Variants in MREG observed in about 807,000 individuals in gnomAD.
The protein encoded by MREG is dilute suppressor protein homolog.
MREG carries 31 observed loss-of-function variants against 28.5 expected under a neutral mutation model. The ratio of observed to expected loss-of-function variants is 1.09; its 90% confidence interval spans 0.82 to 1.47. The LOEUF is 1.47. MREG is among the 40% of genes most tolerant of loss of function. The pLI is 0.00. For missense variants in MREG, 256 were observed against 257.4 expected, an observed-to-expected ratio of 0.99 and a Z score of 0.04; for synonymous variants, 106 against 95.2, an observed-to-expected ratio of 1.11 and a Z score of -0.66.
chr2:215,953,207 C>A (rs1231961411), intron 2 of MREG, among the ~76,000 whole-genome samples: 2 of 152,222 alleles, frequency 1.3e-5, no homozygotes, highest in Non-Finnish European at 2.9e-5. Flanking sequence ...TCTGTTATCC[C>A]CTTCTCCCAT....
intron 2 of MREG, among the ~76,000 whole-genome samples, chr2:215,955,934 AG>A (rs1266372764): frequency 1.3e-5 from 2 of 152,218 alleles, no homozygotes; most frequent in African/African-American, 4.8e-5. Context: ...GTCTGGAGAA[AG>A]GTCTCCAGTA....
Position 215,943,632 on chromosome 2 carries a change from G to A in MREG, c.*1231C>T, listed in dbSNP as rs1480551566. On this transcript the variant is annotated 3_prime_UTR_variant, in exon 5 of 5. Transcript: ENST00000263268. ...TGGGGCAGGCGGATGACGAGGTCAG[G>A]AGATCGAGACCATCGTGGCTAACAT... The A allele has an allele frequency of 1.3e-5, 5 of 383,808 alleles. No homozygotes were observed. Among genetic ancestry groups the A allele is most frequent in the African/African-American group, 4.2e-5 (2 of 47,644 alleles). 23.8% of individuals were successfully genotyped at this position (383,808 alleles called of 1,614,324 possible). A position where few individuals can be genotyped will look rare whatever the true frequency, so the allele number is the denominator to read the frequency against.
At chr2:215,960,012 G>C (rs924130088) in intron 2 of MREG, among the ~76,000 whole-genome samples, 3 of 151,526 alleles carry the variant, frequency 2.0e-5, no homozygotes, top group African/African-American at 7.3e-5. Context: ...CTGGAGTGCA[G>C]TGGCGTGATC....
intron 1 of MREG, among the ~76,000 whole-genome samples, chr2:216,023,452 A>G (rs1388775476): frequency 1.3e-5 from 2 of 152,204 alleles, no homozygotes; most frequent in African/African-American, 4.8e-5. Context: ...GCACTGCTAA[A>G]TTGAGCAATA....
Position 215,944,962 on chromosome 2 carries a change from G to T in MREG, c.546C>A (p.Phe182Leu). The T allele has an allele frequency of 1.2e-6, 2 of 1,605,728 alleles. No homozygotes were observed. ...RLIALDAAEE[F>L]FKLARRTYPK... ...GGTAAGTTCGACGAGCAAGCTTAAAGAACTCTTCTGCAGCATCAAGTGCAA... is the reference window on the plus strand; with the variant it reads ...GGTAAGTTCGACGAGCAAGCTTAAATAACTCTTCTGCAGCATCAAGTGCAA... The change falls in exon 5 of 5, where the codon TTC (phenylalanine) becomes TTA (leucine). Residue 182 changes from phenylalanine to leucine, a missense_variant. Transcript: ENST00000263268.
intron 2 of MREG, among the ~76,000 whole-genome samples, chr2:215,990,355 T>C (rs754662242): frequency 6.6e-6 from 1 of 152,146 alleles, no homozygotes; most frequent in South Asian, 2.1e-4. Context: ...CTGAGAGATT[T>C]TGTCATCACC....
At chr2:215,968,401 C>T (rs1693003141) in intron 2 of MREG, among the ~76,000 whole-genome samples, 1 of 152,208 alleles carries the variant, frequency 6.6e-6, no homozygotes, top group Non-Finnish European at 1.5e-5. Context: ...AGAACCCCAA[C>T]ATAAAATACA....
intron 1 of MREG, among the ~76,000 whole-genome samples, chr2:216,024,623 C>T (rs1694567915): frequency 6.6e-6 from 1 of 151,980 alleles, no homozygotes; most frequent in South Asian, 2.1e-4. Flanking sequence ...CCTATAATCC[C>T]AGCATTTTGG....
At chr2:216,025,302 A>G (rs1401817582) in intron 1 of MREG, among the ~76,000 whole-genome samples, 1 of 152,252 alleles carries the variant, frequency 6.6e-6, no homozygotes, top group Non-Finnish European at 1.5e-5. Flanking sequence ...GAAGACCTCT[A>G]CTACCCACAG....
chr2:215,957,503 C>T (rs1192445523), intron 2 of MREG, among the ~76,000 whole-genome samples: 1 of 152,108 alleles, frequency 6.6e-6, no homozygotes, highest in East Asian at 1.9e-4. Context: ...AACCATTCCC[C>T]TCAAGAGGAA....
intron 2 of MREG, 63 bp from the exon 3 acceptor site, chr2:215,947,176 C>A: frequency 9.8e-7 from 1 of 1,020,622 alleles, no homozygotes; most frequent in Non-Finnish European, 1.5e-6. Context: ...ATCTCATTCC[C>A]AAACTTCATG....
At chr2:216,031,485 GAAAGAAAGAGAA>G (rs1559203904) in intron 1 of MREG, among the ~76,000 whole-genome samples, 4 of 120,520 alleles carry the variant, frequency 3.3e-5, no homozygotes, top group African/African-American at 1.3e-4. Flanking sequence ...GAGAAAGAAA[GAAAGAAAGAGAA>G]AGAAAGAGAG....
At chr2:215,973,715 T>C (rs1693167737) in intron 2 of MREG, among the ~76,000 whole-genome samples, 1 of 152,192 alleles carries the variant, frequency 6.6e-6, no homozygotes, top group Non-Finnish European at 1.5e-5. Flanking sequence ...CTAGAACAGA[T>C]TAAAGTACAT....
At chr2:215,995,894 A>AC (rs1693860313) in intron 2 of MREG, among the ~76,000 whole-genome samples, 1 of 151,730 alleles carries the variant, frequency 6.6e-6, no homozygotes, top group Non-Finnish European at 1.5e-5. Flanking sequence ...AAAAAAAAAA[A>AC]CTAATTCAGG....
rs767958402 is a variant in MREG, at chr2:215,996,375, T to C, written c.186A>G (p.Thr62=). The C allele has an allele frequency of 2.5e-6, 4 of 1,614,042 alleles. No homozygotes were observed. In the Admixed American group the frequency reaches 5.0e-5, roughly 20 times the overall value. The change falls in exon 2 of 5, where the codon ACA becomes ACG. Residue 62 remains threonine, a synonymous_variant. Transcript: ENST00000263268. ...ACAGGGTTCTGTCGTCGTCTGCCTC[T>C]GTGTGGGACACATCATGGGGCATAC... The part of the protein sequence containing the change: ...LWSMPHDVSH[T]EADDDRTLYN...
At chr2:215,975,440 C>T (rs897431841) in intron 2 of MREG, among the ~76,000 whole-genome samples, 1 of 152,114 alleles carries the variant, frequency 6.6e-6, no homozygotes, top group African/African-American at 2.4e-5. Context: ...GATGAGTTGA[C>T]TTAATTTAGT....
chr2:216,031,503 GAGAGA>G, intron 1 of MREG, among the ~76,000 whole-genome samples: 9 of 126,928 alleles, frequency 7.1e-5, no homozygotes, highest in East Asian at 2.4e-4. Flanking sequence ...GAGAAAGAAA[GAGAGA>G]AAGGAAGGAA....
chr2:216,031,485 GAAAGAA>G (rs1401092256), intron 1 of MREG, among the ~76,000 whole-genome samples: 10 of 120,606 alleles, frequency 8.3e-5, no homozygotes, highest in East Asian at 2.4e-4. Context: ...GAGAAAGAAA[GAAAGAA>G]AGAGAAAGAA....
chr2:215,944,969 T>A lies in MREG; in HGVS notation c.539A>T (p.Glu180Val). ...VDRLIALDAA[E>V]EFFKLARRTY... ...TCGACGAGCAAGCTTAAAGAACTCT[T>A]CTGCAGCATCAAGTGCAATGAGACG... Residue 180 changes from glutamate (E) to valine (V), a missense_variant, in exon 5 of 5, where the codon GAA becomes GTA. Glu to Val is a moderately radical substitution (Grantham distance 121). Coordinates refer to ENST00000263268, the MANE Select transcript of MREG (RefSeq NM_018000.3). The A allele has an allele frequency of 1.9e-6, 3 of 1,599,712 alleles. No homozygotes were observed. Among genetic ancestry groups the A allele is most frequent in the Non-Finnish European group, 2.6e-6 (3 of 1,168,608 alleles).
Sources: gnomAD v4.1 joint callset for allele counts (sites outside exome capture counted in the v4.1 genomes callset) on GRCh38, gnomAD v4.1.1 for gene constraint, MANE v1.5 for transcripts, NCBI Gene and HGNC (gene_info 2026-07-23, HGNC 2026-07-21) for gene names.